Variants in NPAT observed in about 807,000 individuals in gnomAD.
NPAT encodes nuclear protein, coactivator of histone transcription, also known as protein NPAT.
Under a neutral mutation model 130.7 loss-of-function variants are expected in NPAT, and 52 were observed. The ratio of observed to expected loss-of-function variants is 0.40; its 90% CI spans 0.32 to 0.50. NPAT has a LOEUF of 0.50. Ranked by LOEUF, NPAT falls within the 20% of genes least tolerant of loss-of-function variation. NPAT has a pLI of 0.68. For synonymous variants in NPAT, 580 were observed against 584.8 expected, an observed-to-expected ratio of 0.99 and a Z score of 0.12; for missense variants, 1,687 against 1,662.6, an observed-to-expected ratio of 1.01 and a Z score of -0.26.
At chr11:108,210,797 C>T (rs967880306) in intron 1 of NPAT, among the ~76,000 whole-genome samples, 10 of 152,320 alleles carry the variant, frequency 6.6e-5, no homozygotes, top group African/African-American at 1.9e-4. Flanking sequence ...GAATGAAACA[C>T]CAATCCTTTA....
In NPAT at chr11:108,197,345, G is replaced by A. The variant is rs1053430250; in HGVS notation, c.113C>T (p.Ala38Val). The change falls in exon 2 of 18, where the codon GCA becomes GTA. Residue 38 changes from alanine (A) to valine (V), a missense_variant. This residue lies in a region of NPAT where 307 missense variants were observed against 298.9 expected (regional missense o/e 1.03). Transcript: ENST00000278612. The part of the protein sequence containing the change: ...ILESSDLKEY[A>V]EHCTDEGFIP... Reference sequence around the variant, plus strand: ...AAACCCTTCATCTGTACAATGTTCTGCATATTCTTTTAAATCTGAACTTTC... The same window carrying A: ...AAACCCTTCATCTGTACAATGTTCTACATATTCTTTTAAATCTGAACTTTC... 2 of 1,612,864 alleles carry A rather than the reference G, an allele frequency of 1.2e-6. No individual in the cohort carries two copies. Among genetic ancestry groups the A allele is most frequent in the South Asian group, 1.1e-5 (1 of 91,044 alleles).
chr11:108,174,937 AAAC>A (rs915611731), intron 12 of NPAT, among the ~76,000 whole-genome samples: 2 of 152,222 alleles, frequency 1.3e-5, no homozygotes, highest in African/African-American at 4.8e-5. Context: ...GTGTTTCAGA[AAAC>A]AACAATACAG....
At chr11:108,210,474 C>G (rs1449959057) in intron 1 of NPAT, among the ~76,000 whole-genome samples, 2 of 152,188 alleles carry the variant, frequency 1.3e-5, no homozygotes, top group Non-Finnish European at 2.9e-5. Flanking sequence ...CCCCCTTCAC[C>G]TTCTGCCATG....
At chr11:108,185,341 T>A (rs748188642) in intron 9 of NPAT, 22 bp from the exon 10 acceptor site, 8 of 1,591,006 alleles carry the variant, frequency 5.0e-6, no homozygotes, top group Non-Finnish European at 6.0e-6. Context: ...GAAAGAAAAA[T>A]CTTTATTATA....
At chr11:108,162,308 C>A (rs1412216151) in intron 15 of NPAT, 128 bp from the exon 16 acceptor site, 3 of 762,538 alleles carry the variant, frequency 3.9e-6, no homozygotes, top group African/African-American at 1.8e-5. Flanking sequence ...ACAAATAGAA[C>A]ACGTTGACAA....
At chr11:108,204,387 A>G (rs1565325729) in intron 1 of NPAT, among the ~76,000 whole-genome samples, 1 of 151,016 alleles carries the variant, frequency 6.6e-6, no homozygotes, top group Non-Finnish European at 1.5e-5. Flanking sequence ...ACGTGGGGTT[A>G]CCTACCTTTG....
intron 10 of NPAT, among the ~76,000 whole-genome samples, chr11:108,184,430 C>G (rs1015849894): frequency 2.7e-5 from 4 of 150,842 alleles, no homozygotes; most frequent in Non-Finnish European, 4.4e-5. Context: ...TGACATTGTG[C>G]CACTGCACTC....
chr11:108,186,750 T>A (rs571267147), intron 7 of NPAT, among the ~76,000 whole-genome samples, 181 bp from the exon 8 acceptor site: 2 of 152,286 alleles, frequency 1.3e-5, no homozygotes, highest in South Asian at 4.1e-4. Context: ...ACTCAAGTCC[T>A]ACAGTCTGCA....
At chr11:108,203,414 T>C (rs1465259492) in intron 1 of NPAT, among the ~76,000 whole-genome samples, 1 of 152,166 alleles carries the variant, frequency 6.6e-6, no homozygotes, top group Non-Finnish European at 1.5e-5. Flanking sequence ...CCTTATACCA[T>C]ACTTCTTTCT....
intron 1 of NPAT, among the ~76,000 whole-genome samples, chr11:108,202,106 C>A (rs1051079420): frequency 3.9e-5 from 6 of 152,154 alleles, no homozygotes; most frequent in African/African-American, 1.2e-4. Context: ...AAAGGGAAAG[C>A]AGTTAACATT....
At chr11:108,218,128 T>G (rs1441678327) in intron 1 of NPAT, among the ~76,000 whole-genome samples, 1 of 152,220 alleles carries the variant, frequency 6.6e-6, no homozygotes, top group African/African-American at 2.4e-5. Context: ...AACTTAAGAA[T>G]AAAAGAAGTG....
intron 1 of NPAT, among the ~76,000 whole-genome samples, chr11:108,206,543 G>T (rs1001352132): frequency 6.6e-6 from 1 of 152,144 alleles, no homozygotes; most frequent in African/African-American, 2.4e-5. Context: ...ACTGGGGAAC[G>T]TAGTGGCACC....
At chr11:108,187,453 A>G (rs2078118755) in intron 7 of NPAT, among the ~76,000 whole-genome samples, 1 of 152,158 alleles carries the variant, frequency 6.6e-6, no homozygotes, top group Non-Finnish European at 1.5e-5. Flanking sequence ...CCCTATCTCT[A>G]AAAATAAAAA....
intron 15 of NPAT, among the ~76,000 whole-genome samples, chr11:108,163,288 C>A (rs566348363): frequency 8.1e-4 from 123 of 152,216 alleles, no homozygotes; most frequent in Non-Finnish European, 1.4e-3. Context: ...CTACGTCAGC[C>A]AGGCCAGTCT....
chr11:108,220,697 C>T (rs1433897885), intron 1 of NPAT, among the ~76,000 whole-genome samples: 1 of 152,124 alleles, frequency 6.6e-6, no homozygotes, highest in African/African-American at 2.4e-5. Context: ...TGATAAACGA[C>T]AAAAGTAAGA....
intron 1 of NPAT, among the ~76,000 whole-genome samples, chr11:108,203,104 G>GT (rs1401640963): frequency 9.2e-5 from 14 of 152,134 alleles, no homozygotes; most frequent in African/African-American, 3.4e-4. Flanking sequence ...CATCTGCCCT[G>GT]TATTACTTTT....
intron 1 of NPAT, among the ~76,000 whole-genome samples, chr11:108,207,105 T>C (rs1369837767): frequency 6.6e-6 from 1 of 152,176 alleles, no homozygotes; most frequent in Non-Finnish European, 1.5e-5. Context: ...TGCAGGCAGG[T>C]TGTCCCAACA....
At chr11:108,212,293 G>A (rs1365778680) in intron 1 of NPAT, among the ~76,000 whole-genome samples, 1 of 152,134 alleles carries the variant, frequency 6.6e-6, no homozygotes, top group Non-Finnish European at 1.5e-5. Context: ...GGGAGGCCGA[G>A]CTGGGCGGAT....
At chr11:108,195,725 T>C (rs1221098021) in intron 2 of NPAT, among the ~76,000 whole-genome samples, 1 of 152,110 alleles carries the variant, frequency 6.6e-6, no homozygotes, top group African/African-American at 2.4e-5. Context: ...CCTCCTGGGC[T>C]CATGCAATCC....
Sources: gnomAD v4.1 joint callset for allele counts (sites outside exome capture counted in the v4.1 genomes callset) on GRCh38, gnomAD v4.1.1 for gene constraint, gnomAD v4.1.1 regional missense constraint, MANE v1.5 for transcripts, NCBI Gene and HGNC (gene_info 2026-07-23, HGNC 2026-07-21) for gene names.